DZIP1L: variants seen among roughly 807,000 people sequenced by gnomAD.
The protein encoded by DZIP1L is DAZ interacting zinc finger protein 1 like, also known as cilium assembly protein DZIP1L.
Under a neutral mutation model 88.7 loss-of-function variants are expected in DZIP1L, and 90 were observed. The ratio of observed to expected loss-of-function variants is 1.02; its 90% CI spans 0.86 to 1.21. The LOEUF is 1.21. Among genes scored for constraint, DZIP1L ranks in the 50% most tolerant of loss-of-function variants. The pLI is 0.00. For synonymous variants in DZIP1L, 363 were observed against 372.1 expected (o/e 0.98, Z 0.28); for missense variants, 932 against 955.8 (o/e 0.98, Z 0.33).
intron 13 of DZIP1L, 39 bp downstream of exon 13, chr3:138,068,112 C>G (rs368145232): frequency 7.8e-5 from 112 of 1,441,858 alleles, no homozygotes; most frequent in Non-Finnish European, 1.0e-4. Context: ...CAGGAGCCAC[C>G]ACTGCAGGTG....
At chr3:138,104,178 T>G (rs919704196) in intron 1 of DZIP1L, 126 bp from the exon 2 acceptor site, 1 of 897,696 alleles carries the variant, frequency 1.1e-6, no homozygotes, top group Non-Finnish European at 1.6e-6. Flanking sequence ...GCATTCATGG[T>G]GTGTGCTGAC....
intron 7 of DZIP1L, among the ~76,000 whole-genome samples, chr3:138,085,651 T>G (rs983673069): frequency 3.3e-5 from 5 of 152,202 alleles, no homozygotes; most frequent in African/African-American, 1.2e-4. Context: ...ACTTTTACAC[T>G]GCTGGTGGGA....
intron 6 of DZIP1L, among the ~76,000 whole-genome samples, chr3:138,087,850 G>A (rs920347174): frequency 1.3e-5 from 2 of 152,218 alleles, no homozygotes; most frequent in African/African-American, 4.8e-5. Flanking sequence ...ATCCAGGGGT[G>A]GCCAGAGCCA....
rs1431821204 is a variant in DZIP1L, at chr3:138,092,402, T to G, written c.851A>C (p.Gln284Pro). ...FWDEFKNVAK[Q>P]NSTLEEKLRA... ...GGGTACCTCTTCTAGTGTAGAGTTCTGCTTGGCGACATTTTTAAATTCATC... is the reference window on the plus strand; with the variant it reads ...GGGTACCTCTTCTAGTGTAGAGTTCGGCTTGGCGACATTTTTAAATTCATC... Residue 284 changes from glutamine to proline, a missense_variant, in exon 5 of 16, where the codon CAG becomes CCG. Transcript: ENST00000327532. The G allele has an allele frequency of 1.3e-6, 2 of 1,598,998 alleles. No individual in the cohort carries two copies. Among genetic ancestry groups the G allele is most frequent in the African/African-American group, 2.7e-5 (2 of 74,142 alleles).
chr3:138,113,784 G>T (rs575150920), intron 1 of DZIP1L, among the ~76,000 whole-genome samples: 41 of 152,276 alleles, frequency 2.7e-4, no homozygotes, highest in African/African-American at 8.9e-4. Flanking sequence ...GCGAGACAAA[G>T]GTCCCCTCAA....
At chr3:138,109,778 C>A (rs2042588032) in intron 1 of DZIP1L, among the ~76,000 whole-genome samples, 1 of 152,158 alleles carries the variant, frequency 6.6e-6, no homozygotes, top group Admixed American at 6.5e-5. Flanking sequence ...ACTCTGCAGC[C>A]ATAAAAAATA....
Position 138,101,621 on chromosome 3 carries a change from C to T in DZIP1L, c.501+1850G>A, listed in dbSNP as rs186056957. The stretch of plus-strand genomic sequence containing the variant: ...CCAGAGCCAAAGCTGGAGCCCAGGC[C>T]GTAGCTGAGGCCAGGGCTTGTGAGG... On this transcript the variant is annotated intron_variant, in intron 2 of 15. Coordinates refer to ENST00000327532, the MANE Select transcript of DZIP1L (RefSeq NM_173543.3). The T allele has an allele frequency of 1.2e-3, 954 of 793,900 alleles. 3 individuals carry two copies. The highest frequency in any genetic ancestry group is 1.6e-3 in the South Asian group (121 of 75,034). 49.2% of individuals were successfully genotyped at this position (793,900 alleles called of 1,614,324 possible).
At chr3:138,099,732 T>C (rs1052729025) in intron 2 of DZIP1L, among the ~76,000 whole-genome samples, 3 of 152,078 alleles carry the variant, frequency 2.0e-5, no homozygotes, top group Admixed American at 6.5e-5. Context: ...GAGCCTGGCA[T>C]TCCTCTCCCC....
intron 3 of DZIP1L, 66 bp from the exon 4 acceptor site, chr3:138,095,049 A>C (rs1576482579): frequency 6.2e-7 from 1 of 1,607,428 alleles, no homozygotes; most frequent in Admixed American, 1.7e-5. Context: ...GTAGTTTCTC[A>C]CCTTGTCAAT....
intron 14 of DZIP1L, among the ~76,000 whole-genome samples, chr3:138,066,910 C>T (rs1414822280): frequency 1.3e-5 from 2 of 152,182 alleles, no homozygotes; most frequent in Admixed American, 6.5e-5. Context: ...GAAGACAGTG[C>T]CAGCTCTTTC....
intron 12 of DZIP1L, chr3:138,069,309 T>C: frequency 2.2e-6 from 1 of 450,796 alleles, no homozygotes; most frequent in South Asian, 5.0e-5. Flanking sequence ...TAATACAGCT[T>C]ATAATTCATA....
Position 138,064,782 on chromosome 3 carries a change from A to G in DZIP1L, c.2003-15T>C. 2 of 1,552,328 alleles carry G rather than the reference A, an allele frequency of 1.3e-6. No homozygotes were observed. Among genetic ancestry groups the G allele is most frequent in the East Asian group, 2.2e-5 (1 of 44,524 alleles). On this transcript the variant is annotated splice_polypyrimidine_tract_variant and intron_variant, in intron 14 of 15. Transcript: ENST00000327532. ...CACCAGTGTTCCTGGAAGGTGAAAA[A>G]GTGGCTGTGTCAGTGGGAGAAGCCT... is the stretch of plus-strand genomic sequence containing the variant.
intron 11 of DZIP1L, among the ~76,000 whole-genome samples, chr3:138,073,330 C>T (rs1295836872): frequency 6.6e-6 from 1 of 152,178 alleles, no homozygotes; most frequent in Non-Finnish European, 1.5e-5. Flanking sequence ...CCCCTACTAC[C>T]TCCACTGGAG....
At chr3:138,085,670 T>G (rs909363947) in intron 7 of DZIP1L, among the ~76,000 whole-genome samples, 1 of 152,206 alleles carries the variant, frequency 6.6e-6, no homozygotes, top group African/African-American at 2.4e-5. Context: ...GAATGTAAAC[T>G]AGTTCAACCA....
chr3:138,078,674 G>A (rs1018043249), intron 10 of DZIP1L, among the ~76,000 whole-genome samples: 9 of 152,136 alleles, frequency 5.9e-5, no homozygotes, highest in Non-Finnish European at 1.2e-4. Context: ...TTCTACAGGT[G>A]GAACCCAAAA....
intron 1 of DZIP1L, among the ~76,000 whole-genome samples, chr3:138,108,624 T>A (rs1253534991): frequency 6.6e-6 from 1 of 152,164 alleles, no homozygotes; most frequent in Non-Finnish European, 1.5e-5. Flanking sequence ...TCAGCTACTA[T>A]AGGCTTGCTC....
chr3:138,092,580 T>G, intron 4 of DZIP1L, 36 bp from the exon 5 acceptor site: 2 of 1,529,818 alleles, frequency 1.3e-6, no homozygotes, highest in Non-Finnish European at 1.7e-6. Context: ...GATGATTAAT[T>G]CCACATTACA....
intron 11 of DZIP1L, 35 bp downstream of exon 11, chr3:138,077,464 G>C (rs757999552): frequency 1.9e-6 from 3 of 1,612,738 alleles, no homozygotes; most frequent in Non-Finnish European, 1.7e-6. Context: ...TAAATCGTAG[G>C]TATCAGCCCT....
chr3:138,111,702 A>C (rs2042623181), intron 1 of DZIP1L, among the ~76,000 whole-genome samples: 1 of 152,184 alleles, frequency 6.6e-6, no homozygotes, highest in Non-Finnish European at 1.5e-5. Context: ...TGGCATTATA[A>C]GACGGAGCAG....
Sources: allele counts gnomAD v4.1 joint callset (sites outside exome capture counted in the v4.1 genomes callset), GRCh38; gene constraint gnomAD v4.1.1; transcripts MANE v1.5; gene names NCBI Gene and HGNC (gene_info 2026-07-23, HGNC 2026-07-21).